LNPEP: variants seen among roughly 807,000 people sequenced by gnomAD.
LNPEP encodes leucyl-cystinyl aminopeptidase.
A neutral mutation model predicts 120.6 loss-of-function variants in LNPEP; 64 were observed. That is an observed-to-expected ratio of 0.53 (90% CI 0.43 to 0.65). The LOEUF (loss-of-function observed/expected upper bound fraction) is 0.65. Among genes scored for constraint, LNPEP ranks in the 30% least tolerant of loss-of-function variants. The probability of loss-of-function intolerance (pLI) is 0.00; values close to 1 mark genes in which losing one functional copy is unlikely to be tolerated. For synonymous variants in LNPEP, 435 were observed against 425.4 expected, an observed-to-expected ratio of 1.02 and a Z score of -0.28; for missense variants, 1,057 against 1,200.0, an observed-to-expected ratio of 0.88 and a Z score of 1.76.
chr5:96,946,010 T>C (rs1789178060), intron 1 of LNPEP, among the ~76,000 whole-genome samples: 1 of 152,204 alleles, frequency 6.6e-6, no homozygotes, highest in Admixed American at 6.5e-5. Context: ...TGTCCTATAA[T>C]TGTCGGAAGG....
intron 11 of LNPEP, among the ~76,000 whole-genome samples, chr5:97,008,539 A>T (rs1422510980): frequency 6.7e-6 from 1 of 148,944 alleles, no homozygotes; most frequent in Non-Finnish European, 1.5e-5. Context: ...TTTTGTAGAG[A>T]CAGGGCCTCA....
At chr5:97,020,376 T>C (rs912554984) in intron 13 of LNPEP, among the ~76,000 whole-genome samples, 1 of 152,182 alleles carries the variant, frequency 6.6e-6, no homozygotes, top group Non-Finnish European at 1.5e-5. Context: ...TGAGATGAGA[T>C]GCCACGATGG....
At chr5:97,022,861 C>T (rs1440392952) in intron 14 of LNPEP, among the ~76,000 whole-genome samples, 1 of 138,506 alleles carries the variant, frequency 7.2e-6, no homozygotes, top group East Asian at 2.2e-4. Context: ...TTGTTCAATT[C>T]CCACCTATGA....
At chr5:96,990,512 T>G (rs1406634018) in intron 4 of LNPEP, among the ~76,000 whole-genome samples, 1 of 152,222 alleles carries the variant, frequency 6.6e-6, no homozygotes, top group Non-Finnish European at 1.5e-5. Context: ...TTTGCCTCAA[T>G]TCCGATGGGA....
At chr5:96,991,708 G>A (rs937958540) in intron 4 of LNPEP, among the ~76,000 whole-genome samples, 1 of 152,060 alleles carries the variant, frequency 6.6e-6, no homozygotes, top group South Asian at 2.1e-4. Context: ...CTAGATATTA[G>A]CCTTTGTCAG....
intron 13 of LNPEP, among the ~76,000 whole-genome samples, chr5:97,020,294 T>C (rs975491566): frequency 1.3e-5 from 2 of 152,138 alleles, no homozygotes; most frequent in Non-Finnish European, 2.9e-5. Flanking sequence ...AAAGCAATGT[T>C]CTGTGAAGAA....
intron 1 of LNPEP, chr5:96,958,431 C>A: frequency 1.0e-6 from 1 of 981,246 alleles, no homozygotes; most frequent in Non-Finnish European, 1.2e-6. Flanking sequence ...ACTCGAAATG[C>A]CACAGCTGAA....
intron 16 of LNPEP, 92 bp from the exon 17 acceptor site, chr5:97,027,641 G>A (rs948439374): frequency 6.8e-5 from 53 of 781,274 alleles, no homozygotes; most frequent in Non-Finnish European, 1.1e-4. Flanking sequence ...TTCCACTCTG[G>A]CTTTGGCATT....
At chr5:96,962,150 C>G (rs950884100) in intron 1 of LNPEP, among the ~76,000 whole-genome samples, 1 of 152,152 alleles carries the variant, frequency 6.6e-6, no homozygotes, top group Non-Finnish European at 1.5e-5. Context: ...AGAGGTGGCT[C>G]TGTGACCCCC....
Position 96,998,036 on chromosome 5 carries a change from G to A in LNPEP, c.1544G>A (p.Arg515Gln), listed in dbSNP as rs750360079. ...CAGTATGAAGATTTCTTAGATGCTC[G>A]ATTTAAAACCATGAAGAAAGATTCC... ...LSSYEDFLDA[R>Q]FKTMKKDSLN... Residue 515 changes from arginine to glutamine, a missense_variant, in exon 8 of 18, where the codon CGA becomes CAA. Transcript: ENST00000231368. 1.5e-5 allele frequency: 24 copies of A among 1,574,386 alleles called. No individual in the cohort carries two copies. The Middle Eastern group carries it at 6.7e-4, about 44-fold the overall frequency.
intron 11 of LNPEP, among the ~76,000 whole-genome samples, chr5:97,011,643 C>A (rs1582026659): frequency 6.6e-6 from 1 of 152,316 alleles, no homozygotes; most frequent in Middle Eastern, 3.4e-3. Flanking sequence ...CATAGGTTTG[C>A]TAAAAATGGC....
chr5:97,003,243 A>C (rs544419917), intron 8 of LNPEP, among the ~76,000 whole-genome samples, 172 bp from the exon 9 acceptor site: 1 of 152,336 alleles, frequency 6.6e-6, no homozygotes, highest in African/African-American at 2.4e-5. Flanking sequence ...ATTTTAAGAC[A>C]GTTGAACACA....
chr5:97,008,476 A>G (rs2112650060), intron 11 of LNPEP, among the ~76,000 whole-genome samples: 1 of 145,406 alleles, frequency 6.9e-6, no homozygotes, highest in Admixed American at 7.1e-5. Flanking sequence ...TCAGCCTGCC[A>G]AGAAGTTAGG....
rs533773746 is a variant in LNPEP at position 96,974,400 on chromosome 5, C to G, written c.20-4738C>G. 4.6e-5 allele frequency among the ~76,000 whole-genome samples: 7 copies of G among 152,252 alleles called. No individual in the cohort carries two copies. The South Asian group carries it at 1.2e-3, about 27-fold the overall frequency. On this transcript the variant is annotated intron_variant, in intron 1 of 17. Transcript: ENST00000231368. ...TGGAGGGAGAGCACCTAGCTCCCAT[C>G]ATTTTCTTGTACACTCTCCCTGTCC...
intron 13 of LNPEP, among the ~76,000 whole-genome samples, chr5:97,021,082 A>T (rs1355187793): frequency 6.6e-6 from 1 of 152,234 alleles, no homozygotes; most frequent in African/African-American, 2.4e-5. Flanking sequence ...ACTAGATTGG[A>T]TGATATTAAT....
At chr5:96,968,257 C>T (rs531455119) in intron 1 of LNPEP, among the ~76,000 whole-genome samples, 3 of 152,084 alleles carry the variant, frequency 2.0e-5, no homozygotes, top group African/African-American at 7.2e-5. Context: ...AGGATACTGG[C>T]AGGGCAACCA....
At position 97,032,523 on chromosome 5, in the gene LNPEP, T is replaced by C. The variant is rs1338258348; in HGVS notation, c.*3990T>C. ...TGATAGTTTTTATATTATTTCATTT[T>C]GTATATTTTTTTCCTGATGAAGAGT... On this transcript the variant is annotated 3_prime_UTR_variant, in exon 18 of 18. Coordinates refer to ENST00000231368, the MANE Select transcript of LNPEP (RefSeq NM_005575.3). 1 of 152,212 alleles carries C rather than the reference T, an allele frequency of 6.6e-6. No individual in the cohort carries two copies. Among genetic ancestry groups the C allele is most frequent in the Non-Finnish European group, 1.5e-5 (1 of 68,034 alleles). The allele number at this position is 152,212 out of a possible 1,614,324, so 9.4% of individuals were successfully genotyped here. A position where few individuals can be genotyped will look rare whatever the true frequency, so the allele number is the denominator to read the frequency against.
intron 13 of LNPEP, among the ~76,000 whole-genome samples, chr5:97,018,942 T>G (rs1189431462): frequency 6.6e-6 from 1 of 152,220 alleles, no homozygotes; most frequent in Non-Finnish European, 1.5e-5. Context: ...TATTCCTGTT[T>G]TATCACTTAC....
At chr5:96,936,295 G>A in intron 1 of LNPEP, 121 bp downstream of exon 1, 1 of 761,558 alleles carries the variant, frequency 1.3e-6, no homozygotes, top group Non-Finnish European at 1.9e-6. Flanking sequence ...TTCCCACGAG[G>A]GCTGAGGGAG....
Sources: allele counts gnomAD v4.1 joint callset (sites outside exome capture counted in the v4.1 genomes callset), GRCh38; gene constraint gnomAD v4.1.1; transcripts MANE v1.5; gene names NCBI Gene and HGNC (gene_info 2026-07-23, HGNC 2026-07-21).